BEND2: variants seen among roughly 807,000 people sequenced by gnomAD.
The protein encoded by BEND2 is BEN domain containing 2, also known as BEN domain-containing protein 2.
In BEND2, 19 loss-of-function variants were observed where a neutral mutation model predicts 43.8. The ratio of observed to expected loss-of-function variants is 0.43; its 90% confidence interval spans 0.30 to 0.64. The LOEUF (loss-of-function observed/expected upper bound fraction) is 0.64. BEND2 is among the 30% of genes least tolerant of loss of function. The probability of loss-of-function intolerance (pLI) is 0.11; values close to 1 mark genes in which losing one functional copy is unlikely to be tolerated. For missense variants in BEND2, 544 were observed against 574.0 expected, an observed-to-expected ratio of 0.95 and a Z score of 0.53; for synonymous variants, 226 against 210.1, an observed-to-expected ratio of 1.08 and a Z score of -0.66.
chrX:18,176,150 A>C, intron 10 of BEND2, 57 bp from the exon 11 acceptor site: 1 of 1,118,627 alleles, frequency 8.9e-7, no homozygotes, highest in Non-Finnish European at 1.2e-6. Context: ...CAAACTAATG[A>C]AAAATTTTTT....
chrX:18,215,525 CTTT>C (rs1483108813), intron 2 of BEND2, among the ~76,000 whole-genome samples: 1 of 111,861 alleles, frequency 8.9e-6, no homozygotes, highest in Non-Finnish European at 1.9e-5. Context: ...ATATTATGGA[CTTT>C]TTTTACATTT....
At chrX:18,168,751 T>C (rs1923886940) in intron 13 of BEND2, among the ~76,000 whole-genome samples, 1 of 111,706 alleles carries the variant, frequency 9.0e-6, no homozygotes, top group Admixed American at 9.6e-5. Flanking sequence ...CTTTGGCTCC[T>C]GGACAGAGTT....
At chrX:18,205,605 CAAAAAAAAAAAAAAAA>C (rs147435323) in intron 4 of BEND2, among the ~76,000 whole-genome samples, 1 of 24,149 alleles carries the variant, frequency 4.1e-5, no homozygotes, top group Non-Finnish European at 6.4e-5. Context: ...GACCCTGTCT[CAAAAAAAAAAAAAAAA>C]AAAAAAAAAA....
intron 1 of BEND2, among the ~76,000 whole-genome samples, chrX:18,219,734 C>T (rs950506969): frequency 7.2e-5 from 8 of 111,071 alleles, no homozygotes; most frequent in African/African-American, 2.6e-4. Context: ...GACGAAATCC[C>T]GTCTCAACAA....
intron 8 of BEND2, among the ~76,000 whole-genome samples, chrX:18,184,503 G>C (rs778113021): frequency 3.6e-5 from 4 of 111,668 alleles, no homozygotes. Flanking sequence ...AAGAGTCTCT[G>C]CCTGGTAATC....
intron 4 of BEND2, among the ~76,000 whole-genome samples, chrX:18,211,778 A>G (rs5955614): frequency 0.23 from 24,470 of 107,360 alleles, 2,463 homozygotes; most frequent in African/African-American, 0.35. Context: ...GCAAGACTCC[A>G]TCTCAGAAAA....
intron 1 of BEND2, 24 bp downstream of exon 1, chrX:18,220,702 C>T (rs984621713): frequency 3.3e-6 from 4 of 1,210,104 alleles, no homozygotes; most frequent in Middle Eastern, 2.3e-4. Flanking sequence ...AGCTAGCGGG[C>T]CAGTTGAGGC....
chrX:18,175,686 A>C (rs1194496640), intron 11 of BEND2, among the ~76,000 whole-genome samples: 1 of 112,457 alleles, frequency 8.9e-6, no homozygotes, highest in African/African-American at 3.2e-5. Context: ...AGATTTGCCA[A>C]ATATCTTTGT....
chrX:18,170,522 C>A (rs1032744176), intron 13 of BEND2, among the ~76,000 whole-genome samples: 3 of 112,514 alleles, frequency 2.7e-5, no homozygotes, highest in Admixed American at 9.4e-5. Context: ...TTTGCTTCCG[C>A]TTTGTCCAAA....
chrX:18,190,653 C>T (rs1924734930), intron 8 of BEND2, among the ~76,000 whole-genome samples: 1 of 110,172 alleles, frequency 9.1e-6, no homozygotes, highest in Admixed American at 9.8e-5. Context: ...TCCTGGAAGT[C>T]ATGGGACAGT....
chrX:18,202,672 T>C (rs1242244053), intron 5 of BEND2, among the ~76,000 whole-genome samples: 1 of 111,996 alleles, frequency 8.9e-6, no homozygotes, highest in Non-Finnish European at 1.9e-5. Context: ...CAGTCTATGG[T>C]ATTTTGTTAT....
intron 4 of BEND2, among the ~76,000 whole-genome samples, chrX:18,206,192 T>C (rs143134254): frequency 0.042 from 4,637 of 111,174 alleles, 110 homozygotes; most frequent in Non-Finnish European, 0.063. Flanking sequence ...ACCAGCGCCA[T>C]GACACAGGCA....
chrX:18,207,029 C>T (rs1432790997), intron 4 of BEND2, among the ~76,000 whole-genome samples: 2 of 111,130 alleles, frequency 1.8e-5, no homozygotes, highest in Non-Finnish European at 3.8e-5. Context: ...ACAGATGCTG[C>T]CTCCCACCCC....
intron 8 of BEND2, among the ~76,000 whole-genome samples, chrX:18,186,861 G>T (rs1344246830): frequency 9.2e-6 from 1 of 108,956 alleles, no homozygotes; most frequent in Non-Finnish European, 1.9e-5. Flanking sequence ...AAGCTACTTT[G>T]GAGGCTGAGG....
At chrX:18,179,977 T>A (rs1368267119) in intron 9 of BEND2, among the ~76,000 whole-genome samples, 2 of 112,194 alleles carry the variant, frequency 1.8e-5, no homozygotes, top group Admixed American at 9.4e-5. Flanking sequence ...AGGAGTTTGA[T>A]AACAGCCTGG....
chrX:18,163,726 TTTC>T lies in BEND2; in HGVS notation c.*1280_*1282del. The T allele has an allele frequency of 8.9e-6, 1 of 112,497 alleles. No individual in the cohort carries two copies. Among genetic ancestry groups the T allele is most frequent in the Middle Eastern group, 4.6e-3 (1 of 217 alleles). The allele number at this position is 112,497 out of a possible 1,213,427, so 9.3% of individuals were successfully genotyped here. A position where few individuals can be genotyped will look rare whatever the true frequency, so the allele number is the denominator to read the frequency against. ...CAAAATATGCATATACAATTTGAAA[TTTC>T]TTCTTGCCTAGGGTCGAACTGTACT... On this transcript the variant is annotated 3_prime_UTR_variant, in exon 14 of 14. Coordinates refer to ENST00000380033, the MANE Select transcript of BEND2 (RefSeq NM_153346.5).
rs1014570039 is a variant in BEND2 at position 18,170,898 on chromosome X, A to G, written c.2185+103T>C. 9.4e-6 allele frequency: 11 copies of G among 1,169,132 alleles called. No homozygotes were observed. In the Admixed American group the frequency reaches 2.3e-4, roughly 24 times the overall value. ...AGGCACTCAGTAATTACTAAGTTCC[A>G]TTCTCCCCAGAACAAACACAACCTG... On this transcript the variant is annotated intron_variant, in intron 13 of 13. Transcript: ENST00000380033.
At chrX:18,217,922 A>AAATAATAAT (rs56310183) in intron 1 of BEND2, among the ~76,000 whole-genome samples, 32 of 104,546 alleles carry the variant, frequency 3.1e-4, no homozygotes, top group African/African-American at 1.1e-3. Context: ...CTCTACCAAA[A>AAATAATAAT]AATAATAATA....
At chrX:18,200,894 C>T (rs1925122660) in intron 6 of BEND2, among the ~76,000 whole-genome samples, 1 of 112,188 alleles carries the variant, frequency 8.9e-6, no homozygotes, top group African/African-American at 3.2e-5. Context: ...AACCTGGGAA[C>T]ATCTCAGTAA....
Sources: gnomAD v4.1 joint callset for allele counts (sites outside exome capture counted in the v4.1 genomes callset) on GRCh38, gnomAD v4.1.1 for gene constraint, MANE v1.5 for transcripts, NCBI Gene and HGNC (gene_info 2026-07-23, HGNC 2026-07-21) for gene names.